The following VPS13B variants were observed in gnomAD, a reference collection of about 807,000 sequenced individuals.
VPS13B encodes the protein intermembrane lipid transfer protein VPS13B.
In VPS13B, 285 loss-of-function variants were observed where a neutral mutation model predicts 426.4. That is an observed-to-expected ratio of 0.67 (90% CI 0.61 to 0.74). The LOEUF is 0.74. Ranked by LOEUF, VPS13B falls within the 30% of genes least tolerant of loss-of-function variation. VPS13B has a pLI of 0.00. For synonymous variants in VPS13B, 1,676 were observed against 1,676.4 expected (o/e 1.00, Z 0.01); for missense variants, 4,537 against 4,782.6 (o/e 0.95, Z 1.51).
chr8:99,599,329 C>T (rs564422007), intron 33 of VPS13B, among the ~76,000 whole-genome samples: 3 of 152,016 alleles, frequency 2.0e-5, no homozygotes, highest in African/African-American at 4.8e-5. Context: ...TCTCTCTGAC[C>T]CTGAATTTTC....
intron 17 of VPS13B, among the ~76,000 whole-genome samples, chr8:99,226,928 C>T (rs1442160693): frequency 1.1e-4 from 17 of 152,006 alleles, no homozygotes; most frequent in Admixed American, 1.0e-3. Flanking sequence ...TCAAAATATA[C>T]AATACATTGT....
chr8:99,629,461 T>C (rs1454883000), intron 33 of VPS13B, among the ~76,000 whole-genome samples: 1 of 152,164 alleles, frequency 6.6e-6, no homozygotes, highest in Non-Finnish European at 1.5e-5. Context: ...TTGCAGTATA[T>C]ATACTAAGTG....
At chr8:99,313,867 G>A (rs568722322) in intron 19 of VPS13B, among the ~76,000 whole-genome samples, 41 of 152,236 alleles carry the variant, frequency 2.7e-4, no homozygotes, top group African/African-American at 9.6e-4. Context: ...CTCAGCAATG[G>A]TGGGTGCCCC....
chr8:99,372,112 G>A (rs1315753315), intron 19 of VPS13B, among the ~76,000 whole-genome samples: 3 of 151,758 alleles, frequency 2.0e-5, no homozygotes, highest in Admixed American at 6.6e-5. Flanking sequence ...TTAGCCGGGC[G>A]AGGTGGCGGG....
intron 19 of VPS13B, among the ~76,000 whole-genome samples, chr8:99,375,182 C>T (rs1214936729): frequency 6.6e-6 from 1 of 152,178 alleles, no homozygotes; most frequent in Non-Finnish European, 1.5e-5. Flanking sequence ...TATCATGCAT[C>T]CCCCAACTGG....
intron 17 of VPS13B, among the ~76,000 whole-genome samples, chr8:99,269,140 C>G (rs1014675337): frequency 1.3e-5 from 2 of 152,132 alleles, no homozygotes; most frequent in Non-Finnish European, 2.9e-5. Flanking sequence ...TTATAAATTA[C>G]CCAGTCTCGA....
chr8:99,320,157 A>G (rs929866642), intron 19 of VPS13B, among the ~76,000 whole-genome samples: 2 of 152,188 alleles, frequency 1.3e-5, no homozygotes, highest in African/African-American at 4.8e-5. Context: ...TCAGTTTCTA[A>G]GACCTTATTA....
At chr8:99,339,326 G>A (rs1811109107) in intron 19 of VPS13B, among the ~76,000 whole-genome samples, 1 of 152,024 alleles carries the variant, frequency 6.6e-6, no homozygotes, top group African/African-American at 2.4e-5. Flanking sequence ...CTGGCATCTG[G>A]TTGACTTCTA....
intron 19 of VPS13B, among the ~76,000 whole-genome samples, chr8:99,336,777 G>A (rs552700613): frequency 1.1e-3 from 162 of 152,250 alleles, no homozygotes; most frequent in African/African-American, 3.7e-3. Flanking sequence ...GACTATCACT[G>A]GCCATCAGAG....
chr8:99,177,425 G>A (rs1812694487), intron 16 of VPS13B, among the ~76,000 whole-genome samples: 1 of 152,130 alleles, frequency 6.6e-6, no homozygotes, highest in Non-Finnish European at 1.5e-5. Context: ...TTAAAACATG[G>A]CCTATGTGTA....
intron 21 of VPS13B, among the ~76,000 whole-genome samples, chr8:99,410,678 A>G (rs1250746691): frequency 6.6e-6 from 1 of 152,004 alleles, no homozygotes; most frequent in Admixed American, 6.6e-5. Context: ...CCCGTCATCT[A>G]CATTAGGTAT....
chr8:99,656,986 C>T (rs531736888), intron 34 of VPS13B, among the ~76,000 whole-genome samples: 2 of 152,188 alleles, frequency 1.3e-5, no homozygotes, highest in Non-Finnish European at 2.9e-5. Flanking sequence ...TAAATTCAGG[C>T]ATACTTTAAA....
intron 19 of VPS13B, among the ~76,000 whole-genome samples, chr8:99,287,505 A>G (rs989384993): frequency 5.3e-5 from 8 of 152,032 alleles, no homozygotes; most frequent in Admixed American, 3.3e-4. Flanking sequence ...TATTTAAACT[A>G]TCAGAAGTCT....
intron 14 of VPS13B, among the ~76,000 whole-genome samples, chr8:99,155,307 G>T (rs1811299250): frequency 6.6e-6 from 1 of 152,126 alleles, no homozygotes; most frequent in Admixed American, 6.6e-5. Context: ...AATTCTCACA[G>T]GTGTAATATT....
chr8:99,501,664 A>ATTTTTTTTT (rs747966427), intron 25 of VPS13B, 23 bp from the exon 26 acceptor site: 3 of 1,604,092 alleles, frequency 1.9e-6, no homozygotes, highest in Non-Finnish European at 2.6e-6. Flanking sequence ...ACAAAGTAAG[A>ATTTTTTTTT]TTTTTTTTTC....
At chr8:99,224,897 C>A (rs1189558090) in intron 17 of VPS13B, among the ~76,000 whole-genome samples, 1 of 152,108 alleles carries the variant, frequency 6.6e-6, no homozygotes, top group Non-Finnish European at 1.5e-5. Flanking sequence ...CAAAGTTCCT[C>A]CCAAGGTCTC....
chr8:99,463,499 G>A (rs1480436444), intron 23 of VPS13B, among the ~76,000 whole-genome samples: 1 of 152,058 alleles, frequency 6.6e-6, no homozygotes, highest in Non-Finnish European at 1.5e-5. Context: ...TATTCCAAAT[G>A]TAGAATTTTA....
chr8:99,865,891 T>C (rs1817072576), intron 58 of VPS13B, among the ~76,000 whole-genome samples: 1 of 152,138 alleles, frequency 6.6e-6, no homozygotes, highest in Admixed American at 6.5e-5. Flanking sequence ...AGTGACCAAG[T>C]AGTTTCTGCC....
intron 8 of VPS13B, chr8:99,121,899 T>C (rs1847962384): frequency 6.5e-6 from 1 of 153,072 alleles, no homozygotes; most frequent in African/African-American, 2.5e-5. Flanking sequence ...TTGCCTAGGC[T>C]GGAGTGCAGT....
Sources: allele counts gnomAD v4.1 joint callset (sites outside exome capture counted in the v4.1 genomes callset), GRCh38; gene constraint gnomAD v4.1.1; transcripts MANE v1.5; gene names NCBI Gene and HGNC (gene_info 2026-07-23, HGNC 2026-07-21).